Variants in LIN28B observed in about 807,000 individuals in gnomAD.
LIN28B encodes the protein protein lin-28 homolog B.
LIN28B carries 5 observed loss-of-function variants against 21.9 expected under a neutral mutation model. The observed-to-expected ratio is 0.23, with a 90% confidence interval of 0.12 to 0.48. The LOEUF (loss-of-function observed/expected upper bound fraction) is 0.48, where lower values mean the gene tolerates loss of function less well. LIN28B is among the 20% of genes least tolerant of loss of function. The pLI is 0.98. For missense variants in LIN28B, 245 were observed against 310.5 expected, an observed-to-expected ratio of 0.79 and a Z score of 1.58; for synonymous variants, 109 against 111.3, an observed-to-expected ratio of 0.98 and a Z score of 0.13.
chr6:105,032,745 A>G (rs534820888), intron 3 of LIN28B, among the ~76,000 whole-genome samples: 1 of 151,872 alleles, frequency 6.6e-6, no homozygotes, highest in Non-Finnish European at 1.5e-5. Context: ...TTTTTTAACC[A>G]TTCTGTTAGG....
intron 1 of LIN28B, among the ~76,000 whole-genome samples, chr6:104,957,881 A>C (rs1778313328): frequency 6.6e-6 from 1 of 152,162 alleles, no homozygotes; most frequent in Middle Eastern, 3.4e-3. Flanking sequence ...AGTTGGTGTG[A>C]TCGATAGAAC....
chr6:104,964,508 C>T (rs1269922324), intron 2 of LIN28B, among the ~76,000 whole-genome samples: 1 of 151,910 alleles, frequency 6.6e-6, no homozygotes, highest in Non-Finnish European at 1.5e-5. Flanking sequence ...AGCTATTTCC[C>T]CTGAGTTTTG....
chr6:105,058,900 T>C (rs748267695), intron 3 of LIN28B, among the ~76,000 whole-genome samples: 1 of 152,214 alleles, frequency 6.6e-6, no homozygotes, highest in Non-Finnish European at 1.5e-5. Flanking sequence ...TGTTTTTCTA[T>C]TGGACTCTGG....
chr6:105,035,709 A>G (rs538632757), intron 3 of LIN28B, among the ~76,000 whole-genome samples: 1 of 152,342 alleles, frequency 6.6e-6, no homozygotes, highest in East Asian at 1.9e-4. Context: ...TTAGCTGCAT[A>G]ATACAAATTA....
At chr6:104,964,937 AC>A (rs1769825781) in intron 2 of LIN28B, among the ~76,000 whole-genome samples, 1 of 152,166 alleles carries the variant, frequency 6.6e-6, no homozygotes, top group African/African-American at 2.4e-5. Context: ...ATTTTCTGTT[AC>A]CTGGAGTAAT....
intron 2 of LIN28B, among the ~76,000 whole-genome samples, chr6:104,974,439 A>G (rs565428011): frequency 4.0e-5 from 6 of 151,216 alleles, no homozygotes; most frequent in Admixed American, 1.3e-4. Flanking sequence ...CAGTGAGCCA[A>G]TATCATGCCA....
chr6:105,021,948 T>C (rs1771149798), intron 2 of LIN28B, among the ~76,000 whole-genome samples: 2 of 152,088 alleles, frequency 1.3e-5, no homozygotes, highest in South Asian at 4.1e-4. Context: ...AATGAGAAAA[T>C]ATTCAGAGAA....
chr6:105,046,251 G>A (rs1327021261), intron 3 of LIN28B, among the ~76,000 whole-genome samples: 3 of 152,016 alleles, frequency 2.0e-5, no homozygotes, highest in Non-Finnish European at 2.9e-5. Flanking sequence ...CCACCTATGA[G>A]TGAGAACATG....
intron 3 of LIN28B, among the ~76,000 whole-genome samples, chr6:105,030,204 T>C (rs1255955575): frequency 6.6e-6 from 1 of 152,184 alleles, no homozygotes; most frequent in Non-Finnish European, 1.5e-5. Flanking sequence ...AATAAAATAT[T>C]CAATAAACAT....
In LIN28B at chr6:105,082,026, G is replaced by A. The variant is rs1355975590; in HGVS notation, c.*3243G>A. ...AGTTATCTCTTGACCTCACCCTCAT[G>A]TCAACACAAATGTAATTCCTAAACA... On this transcript the variant is annotated 3_prime_UTR_variant, in exon 4 of 4. Transcript: ENST00000345080. 1 of 152,576 alleles carries A rather than the reference G, an allele frequency of 6.6e-6. No individual in the cohort carries two copies. The highest frequency in any genetic ancestry group is 1.5e-5 in the Non-Finnish European group (1 of 68,042). The allele number at this position is 152,576 out of a possible 1,614,324, so 9.5% of individuals were successfully genotyped here.
chr6:105,011,971 A>T (rs1770932660), intron 2 of LIN28B, among the ~76,000 whole-genome samples: 2 of 152,172 alleles, frequency 1.3e-5, no homozygotes, highest in Admixed American at 1.3e-4. Flanking sequence ...TGGCCTGGCC[A>T]ACATGGTGAA....
chr6:104,988,003 C>G (rs1283147736), intron 2 of LIN28B, among the ~76,000 whole-genome samples: 1 of 152,152 alleles, frequency 6.6e-6, no homozygotes, highest in East Asian at 1.9e-4. Flanking sequence ...CTCGGCTTCC[C>G]AAAGTGCTGG....
intron 3 of LIN28B, among the ~76,000 whole-genome samples, chr6:105,031,496 TATTAA>T (rs1477981123): frequency 6.6e-6 from 1 of 151,774 alleles, no homozygotes; most frequent in African/African-American, 2.4e-5. Context: ...ATATACATAA[TATTAA>T]ATTGTCATAT....
chr6:105,046,220 A>C (rs1040096976), intron 3 of LIN28B, among the ~76,000 whole-genome samples: 2 of 151,936 alleles, frequency 1.3e-5, no homozygotes, highest in Non-Finnish European at 2.9e-5. Flanking sequence ...CTTGTGTCCA[A>C]GTGTTCTCAT....
At chr6:104,941,073 G>C (rs1778082118) in intron 2 of LIN28B, 2 of 152,202 alleles carry the variant, frequency 1.3e-5, no homozygotes, top group African/African-American at 2.4e-5. Flanking sequence ...GTGCGGGTGC[G>C]GACGCCGCTC....
chr6:104,994,556 A>G (rs1462837503), intron 2 of LIN28B, among the ~76,000 whole-genome samples: 2 of 152,222 alleles, frequency 1.3e-5, no homozygotes, highest in African/African-American at 4.8e-5. Context: ...TCCTGTTGGG[A>G]AAATTTGTAT....
At position 105,078,918 on chromosome 6, in the gene LIN28B, C is replaced by T. The variant is rs527963795; in HGVS notation, c.*135C>T. 2.9e-4 allele frequency: 290 copies of T among 993,112 alleles called. No individual in the cohort carries two copies. The highest frequency in any genetic ancestry group is 3.6e-4 in the Non-Finnish European group (249 of 683,296). 61.5% of individuals were successfully genotyped at this position (993,112 alleles called of 1,614,324 possible). On this transcript the variant is annotated 3_prime_UTR_variant, in exon 4 of 4. Coordinates refer to ENST00000345080, the MANE Select transcript of LIN28B (RefSeq NM_001004317.4). ...ATTGGGGAACTGTGAATTTTTTAAA[C>T]AGACAAATCACTCTAAGCAAATTAC...
intron 2 of LIN28B, among the ~76,000 whole-genome samples, chr6:104,988,040 G>A (rs745432197): frequency 3.3e-5 from 5 of 152,088 alleles, no homozygotes; most frequent in Non-Finnish European, 5.9e-5. Context: ...CACTGTTCCC[G>A]GCCATCAATA....
intron 3 of LIN28B, among the ~76,000 whole-genome samples, chr6:105,057,778 A>G (rs990490994): frequency 6.6e-6 from 1 of 152,176 alleles, no homozygotes; most frequent in Non-Finnish European, 1.5e-5. Flanking sequence ...AGTTTAAATT[A>G]TATGTATATA....
Sources: gnomAD v4.1 joint callset for allele counts (sites outside exome capture counted in the v4.1 genomes callset) on GRCh38, gnomAD v4.1.1 for gene constraint, MANE v1.5 for transcripts, NCBI Gene and HGNC (gene_info 2026-07-23, HGNC 2026-07-21) for gene names.